FAM13A: variants seen among roughly 807,000 people sequenced by gnomAD.
The protein encoded by FAM13A is protein FAM13A.
A neutral mutation model predicts 129.6 loss-of-function variants in FAM13A; 76 were observed. The ratio of observed to expected loss-of-function variants is 0.59; its 90% CI spans 0.49 to 0.71. The LOEUF (loss-of-function observed/expected upper bound fraction) is 0.71. Among genes scored for constraint, FAM13A ranks in the 30% least tolerant of loss-of-function variants. The pLI, the probability that FAM13A is intolerant of heterozygous loss-of-function variation, is 0.00. For synonymous variants in FAM13A, 443 were observed against 449.9 expected (o/e 0.98, Z 0.20); for missense variants, 1,108 against 1,249.3 (o/e 0.89, Z 1.70).
chr4:88,841,198 C>T (rs1355172174), intron 7 of FAM13A, among the ~76,000 whole-genome samples: 1 of 152,098 alleles, frequency 6.6e-6, no homozygotes, highest in Non-Finnish European at 1.5e-5. Context: ...TCAAAGGACA[C>T]TATCAAAAAT....
chr4:88,863,402 T>C (rs1286916636), intron 6 of FAM13A, among the ~76,000 whole-genome samples: 2 of 152,124 alleles, frequency 1.3e-5, no homozygotes, highest in African/African-American at 4.8e-5. Flanking sequence ...CCATACTGTG[T>C]CCTAAGCATC....
intron 10 of FAM13A, among the ~76,000 whole-genome samples, chr4:88,786,066 A>G (rs1432920756): frequency 6.6e-6 from 1 of 152,200 alleles, no homozygotes; most frequent in Admixed American, 6.5e-5. Flanking sequence ...AACTTATGCA[A>G]GAAATGTCCC....
chr4:89,014,099 G>A (rs961042212), intron 3 of FAM13A, among the ~76,000 whole-genome samples: 10 of 152,248 alleles, frequency 6.6e-5, no homozygotes, highest in Non-Finnish European at 1.0e-4. Flanking sequence ...GAAAAGGCAG[G>A]TTAGAAAATG....
chr4:88,991,688 G>C (rs1762942004), intron 3 of FAM13A, among the ~76,000 whole-genome samples: 1 of 152,250 alleles, frequency 6.6e-6, no homozygotes, highest in African/African-American at 2.4e-5. Flanking sequence ...GGGACACCAT[G>C]GGGGATGCTA....
chr4:88,948,675 G>C (rs1226611983), intron 4 of FAM13A, among the ~76,000 whole-genome samples: 2 of 152,074 alleles, frequency 1.3e-5, no homozygotes, highest in Non-Finnish European at 2.9e-5. Flanking sequence ...TTTTAGTAGA[G>C]GCGGGGTTTC....
At chr4:89,032,278 T>G (rs1396612773) in intron 1 of FAM13A, among the ~76,000 whole-genome samples, 1 of 95,522 alleles carries the variant, frequency 1.0e-5, no homozygotes, top group Non-Finnish European at 2.3e-5. Context: ...TAAGGTATTC[T>G]GAGTCTACCT....
Position 89,057,079 on chromosome 4 carries a change from A to T in FAM13A, c.-115T>A, listed in dbSNP as rs1211501155. On this transcript the variant is annotated 5_prime_UTR_variant, in exon 1 of 24. It adds an upstream start codon to the 5' untranslated region. Coordinates refer to ENST00000264344, the MANE Select transcript of FAM13A (RefSeq NM_014883.4). ...TCTTTGATGTGAAAAACAGCTCCCAATGCAAAGGCCCCAAGGTAAGCGAAG... is the reference window on the plus strand; with the variant it reads ...TCTTTGATGTGAAAAACAGCTCCCATTGCAAAGGCCCCAAGGTAAGCGAAG... The T allele has an allele frequency of 1.4e-5, 22 of 1,546,912 alleles. No individual in the cohort carries two copies. Among genetic ancestry groups the T allele is most frequent in the Non-Finnish European group, 1.6e-5 (18 of 1,150,330 alleles).
intron 4 of FAM13A, chr4:88,990,671 C>T: frequency 4.0e-6 from 1 of 251,778 alleles, no homozygotes; most frequent in Non-Finnish European, 7.3e-6. Flanking sequence ...TTCTGCTAAT[C>T]AACATTTCTG....
chr4:88,867,643 A>C (rs968370142), intron 6 of FAM13A, among the ~76,000 whole-genome samples: 1 of 152,246 alleles, frequency 6.6e-6, no homozygotes, highest in African/African-American at 2.4e-5. Flanking sequence ...AATAATGAGG[A>C]CTACTGTACT....
intron 2 of FAM13A, among the ~76,000 whole-genome samples, chr4:89,021,863 G>A (rs1767300319): frequency 8.5e-6 from 1 of 118,250 alleles, no homozygotes; most frequent in South Asian, 2.8e-4. Context: ...TTGAAAAGTA[G>A]GAATACAGGA....
At chr4:88,996,413 G>A (rs897389134) in intron 3 of FAM13A, among the ~76,000 whole-genome samples, 5 of 152,302 alleles carry the variant, frequency 3.3e-5, no homozygotes, top group African/African-American at 7.2e-5. Context: ...TGATGCTGAC[G>A]GGATGGTTAG....
intron 4 of FAM13A, among the ~76,000 whole-genome samples, chr4:88,964,874 C>T (rs544334383): frequency 1.6e-4 from 25 of 152,152 alleles, no homozygotes; most frequent in African/African-American, 5.5e-4. Context: ...GTGATTCGTC[C>T]GCCTCGGCCT....
intron 6 of FAM13A, among the ~76,000 whole-genome samples, chr4:88,884,249 C>A (rs939019832): frequency 1.3e-5 from 2 of 151,924 alleles, no homozygotes; most frequent in African/African-American, 2.4e-5. Context: ...AACACAGATG[C>A]AAAAATCCTT....
At chr4:89,008,617 C>A (rs1400911485) in intron 3 of FAM13A, among the ~76,000 whole-genome samples, 1 of 152,160 alleles carries the variant, frequency 6.6e-6, no homozygotes, top group East Asian at 1.9e-4. Flanking sequence ...CCAGGCAGAT[C>A]CCAACTCTGC....
At chr4:88,974,181 G>C (rs1169496939) in intron 4 of FAM13A, among the ~76,000 whole-genome samples, 3 of 152,144 alleles carry the variant, frequency 2.0e-5, no homozygotes, top group African/African-American at 7.2e-5. Context: ...AGTGGCCCTA[G>C]AGTTAACTGA....
intron 2 of FAM13A, among the ~76,000 whole-genome samples, chr4:89,024,973 A>G (rs1314376174): frequency 6.6e-6 from 1 of 152,186 alleles, no homozygotes; most frequent in African/African-American, 2.4e-5. Context: ...AACTTAATAA[A>G]ATGTTTAGTT....
intron 7 of FAM13A, among the ~76,000 whole-genome samples, chr4:88,835,081 C>A (rs1001711668): frequency 2.0e-5 from 3 of 152,128 alleles, no homozygotes; most frequent in Admixed American, 6.6e-5. Context: ...CTTTTCATAG[C>A]CTACAATGTA....
chr4:88,876,911 A>G (rs1742632732), intron 6 of FAM13A, among the ~76,000 whole-genome samples: 1 of 152,210 alleles, frequency 6.6e-6, no homozygotes, highest in Admixed American at 6.5e-5. Context: ...CTTTATTAAC[A>G]ATCACTGCCA....
At chr4:88,831,272 T>C (rs912573233) in intron 7 of FAM13A, among the ~76,000 whole-genome samples, 4 of 152,234 alleles carry the variant, frequency 2.6e-5, no homozygotes, top group Non-Finnish European at 5.9e-5. Flanking sequence ...AAATAAGTCA[T>C]GTCCCACACA....
Sources: allele counts gnomAD v4.1 joint callset (sites outside exome capture counted in the v4.1 genomes callset), GRCh38; gene constraint gnomAD v4.1.1; transcripts MANE v1.5; gene names NCBI Gene and HGNC (gene_info 2026-07-23, HGNC 2026-07-21).